The following NEMP2 variants were observed in gnomAD, a reference collection of about 807,000 sequenced individuals.
NEMP2 encodes the protein UPF0571 transmembrane protein.
A neutral mutation model predicts 54.2 loss-of-function variants in NEMP2; 53 were observed. That is an observed-to-expected ratio of 0.98 (90% CI 0.78 to 1.23). NEMP2 has a LOEUF of 1.23. Among genes scored for constraint, NEMP2 ranks in the 50% most tolerant of loss-of-function variants. The pLI is 0.00. For missense variants in NEMP2, 455 were observed against 511.3 expected (o/e 0.89, Z 1.06); for synonymous variants, 197 against 190.3 (o/e 1.04, Z -0.29).
the NEMP2 span, among the ~76,000 whole-genome samples, chr2:190,634,897 G>A: frequency 6.6e-6 from 1 of 152,218 alleles, no homozygotes; most frequent in Non-Finnish European, 1.5e-5. The surrounding 1 kb of genome is among the most constrained non-coding windows in gnomAD (Gnocchi z 6.8). Context: ...GAAGGCTGAT[G>A]TGGCAGGGAG....
upstream of NEMP2, among the ~76,000 whole-genome samples, chr2:190,539,331 C>T (rs1046968392): frequency 6.6e-6 from 1 of 152,076 alleles, no homozygotes; most frequent in Non-Finnish European, 1.5e-5. The surrounding 1 kb of genome is among the most constrained non-coding windows in gnomAD (Gnocchi z 4.1). Context: ...TGCCAGTACC[C>T]TTCTGTTTTG....
chr2:190,487,270 A>G, the NEMP2 span, among the ~76,000 whole-genome samples: 2 of 152,130 alleles, frequency 1.3e-5, no homozygotes, highest in African/African-American at 2.4e-5. The surrounding 1 kb of genome is among the most constrained non-coding windows in gnomAD (Gnocchi z 5.5). Context: ...GAACCCAGGA[A>G]GCAGAGGTTG....
At chr2:190,544,084 G>A in the NEMP2 span, among the ~76,000 whole-genome samples, 1 of 152,122 alleles carries the variant, frequency 6.6e-6, no homozygotes, top group Non-Finnish European at 1.5e-5. Context: ...ACCAGCCAAT[G>A]CCATAAAGAT....
At chr2:190,478,426 A>G in the NEMP2 span, among the ~76,000 whole-genome samples, 1 of 152,198 alleles carries the variant, frequency 6.6e-6, no homozygotes. Flanking sequence ...TGCCCACCCC[A>G]TGGAAAACAG....
At chr2:190,549,151 T>C in the NEMP2 span, among the ~76,000 whole-genome samples, 1 of 152,246 alleles carries the variant, frequency 6.6e-6, no homozygotes, top group Admixed American at 6.5e-5. Context: ...CAGTTTGGCA[T>C]GTGCCTCTGT....
intron 3 of NEMP2, 55 bp downstream of exon 3, chr2:190,518,897 A>G: frequency 6.6e-7 from 1 of 1,516,856 alleles, no homozygotes; most frequent in Non-Finnish European, 8.9e-7. Flanking sequence ...TTTATTGAAA[A>G]GTTACTCCAG....
chr2:190,534,302 T>C (rs1475566238), intron 1 of NEMP2: 3 of 1,177,154 alleles, frequency 2.5e-6, no homozygotes, highest in Middle Eastern at 3.4e-4. Flanking sequence ...AACGAGGGAA[T>C]TGGGCGACTG....
the NEMP2 span, among the ~76,000 whole-genome samples, chr2:190,446,209 C>A: frequency 2.0e-5 from 3 of 152,280 alleles, no homozygotes; most frequent in East Asian, 5.8e-4. Context: ...CCTTGCTGAA[C>A]TTTATCTGAG....
At chr2:190,498,573 C>T in the NEMP2 span, among the ~76,000 whole-genome samples, 7 of 152,224 alleles carry the variant, frequency 4.6e-5, no homozygotes, top group African/African-American at 1.4e-4. This position sits in a 1 kb window ranked among gnomAD's most constrained non-coding sequence, Gnocchi z 5.9. Flanking sequence ...TTACTGATAA[C>T]CATATGCATG....
the NEMP2 span, chr2:190,627,734 C>T: frequency 6.6e-6 from 1 of 152,190 alleles, no homozygotes; most frequent in Non-Finnish European, 1.5e-5. The surrounding 1 kb of genome is among the most constrained non-coding windows in gnomAD (Gnocchi z 4.4). Flanking sequence ...ATTTTTGCTT[C>T]CAAAGATGTG....
At chr2:190,551,776 G>A in the NEMP2 span, among the ~76,000 whole-genome samples, 2 of 152,096 alleles carry the variant, frequency 1.3e-5, no homozygotes, top group South Asian at 2.1e-4. Context: ...GGACTGATTC[G>A]TGATTTTTGG....
chr2:190,641,347 G>A, the NEMP2 span: 2 of 152,210 alleles, frequency 1.3e-5, no homozygotes, highest in Admixed American at 1.3e-4. Flanking sequence ...TCATGAAAAA[G>A]CCAACATCTT....
At chr2:190,467,875 G>T in the NEMP2 span, among the ~76,000 whole-genome samples, 1 of 152,312 alleles carries the variant, frequency 6.6e-6, no homozygotes, top group African/African-American at 2.4e-5. This position sits in a 1 kb window ranked among gnomAD's most constrained non-coding sequence, Gnocchi z 5.5. Flanking sequence ...ATTGCCTGTG[G>T]CTGCTTTCAT....
chr2:190,426,418 G>GT, the NEMP2 span, among the ~76,000 whole-genome samples: 176 of 151,636 alleles, frequency 1.2e-3, 3 homozygotes, highest in Middle Eastern at 3.4e-3. This position sits in a 1 kb window ranked among gnomAD's most constrained non-coding sequence, Gnocchi z 4.7. Context: ...GAGACTTTCT[G>GT]TTTTTTTTGT....
the NEMP2 span, among the ~76,000 whole-genome samples, chr2:190,563,685 A>T: frequency 8.5e-5 from 13 of 152,340 alleles, 2 homozygotes; most frequent in African/African-American, 2.9e-4. The surrounding 1 kb of genome is among the most constrained non-coding windows in gnomAD (Gnocchi z 4.3). Context: ...TTTCACTCAC[A>T]TTTTGAAGTG....
At chr2:190,648,168 G>C in the NEMP2 span, 13 of 152,374 alleles carry the variant, frequency 8.5e-5, no homozygotes, top group African/African-American at 2.6e-4. Context: ...ACATTAAACA[G>C]TAAAATAAAA....
At chr2:190,581,146 G>A in the NEMP2 span, among the ~76,000 whole-genome samples, 3 of 152,146 alleles carry the variant, frequency 2.0e-5, no homozygotes, top group Admixed American at 6.5e-5. Flanking sequence ...AAAGTTCCCT[G>A]AGTAGGCAAA....
the NEMP2 span, among the ~76,000 whole-genome samples, chr2:190,618,308 TCTCA>T: frequency 2.6e-5 from 4 of 152,212 alleles, no homozygotes; most frequent in South Asian, 2.1e-4. Flanking sequence ...GTTTCTTGCC[TCTCA>T]CTGTCAGTTT....
chr2:190,503,817 A>T (rs1282956395), downstream of NEMP2, among the ~76,000 whole-genome samples: 1 of 151,994 alleles, frequency 6.6e-6, no homozygotes, highest in Non-Finnish European at 1.5e-5. This position sits in a 1 kb window ranked among gnomAD's most constrained non-coding sequence, Gnocchi z 6.3. Flanking sequence ...TGAAAGGGGG[A>T]GTGGTTTGTC....
Sources: gnomAD v4.1 joint callset for allele counts (sites outside exome capture counted in the v4.1 genomes callset) on GRCh38, gnomAD v4.1.1 for gene constraint, Gnocchi (gnomAD v3.1) non-coding constraint, MANE v1.5 for transcripts, NCBI Gene and HGNC (gene_info 2026-07-23, HGNC 2026-07-21) for gene names.